ORC3: variants seen among roughly 807,000 people sequenced by gnomAD.
ORC3 encodes the protein origin recognition complex subunit 3.
In ORC3, 78 loss-of-function variants were observed where a neutral mutation model predicts 100.7. The ratio of observed to expected loss-of-function variants is 0.77; its 90% CI spans 0.65 to 0.94. The LOEUF (loss-of-function observed/expected upper bound fraction) is 0.94, where lower values mean the gene tolerates loss of function less well. ORC3 is among the 40% of genes least tolerant of loss of function. ORC3 has a pLI of 0.00. For missense variants in ORC3, 789 were observed against 823.9 expected, an observed-to-expected ratio of 0.96 and a Z score of 0.52; for synonymous variants, 295 against 289.3, an observed-to-expected ratio of 1.02 and a Z score of -0.20.
chr6:87,594,260 T>A, intron 1 of ORC3, 93 bp from the exon 2 acceptor site: 1 of 817,188 alleles, frequency 1.2e-6, no homozygotes, highest in Non-Finnish European at 1.9e-6. Context: ...CATCTTTTTT[T>A]AAAAAAGTGC....
Position 87,665,754 on chromosome 6 carries a change from G to A in ORC3, c.1951G>A (p.Ala651Thr), listed in dbSNP as rs374112561. The part of the protein sequence containing the change: ...RLINLVDWSE[A>T]FATVVTAAEK... ...TTCTTCTGTCTTGTCTATTCAAAAG[G>A]CTTTTGCAACAGTTGTGACAGCTGC... Residue 651 changes from alanine to threonine, a missense_variant and splice_region_variant, in exon 19 of 20, where the codon GCT becomes ACT. Ala to Thr is a moderately conservative substitution (Grantham distance 58). Coordinates refer to ENST00000392844, the MANE Select transcript of ORC3 (RefSeq NM_012381.4). The A allele has an allele frequency of 6.2e-7, 1 of 1,603,206 alleles. No individual in the cohort carries two copies. Among genetic ancestry groups the A allele is most frequent in the Admixed American group, 1.7e-5 (1 of 59,872 alleles).
chr6:87,651,600 G>A (rs1769273060), intron 13 of ORC3, among the ~76,000 whole-genome samples: 1 of 152,088 alleles, frequency 6.6e-6, no homozygotes, highest in Non-Finnish European at 1.5e-5. Flanking sequence ...GGAAGATAAA[G>A]TTTTATACTT....
intron 13 of ORC3, among the ~76,000 whole-genome samples, chr6:87,649,695 G>A (rs1769093518): frequency 6.6e-6 from 1 of 152,154 alleles, no homozygotes; most frequent in African/African-American, 2.4e-5. Flanking sequence ...GCGGTGAGCT[G>A]AGATTGCACC....
intron 9 of ORC3, among the ~76,000 whole-genome samples, chr6:87,619,879 T>A (rs1428514085): frequency 2.0e-5 from 3 of 151,494 alleles, no homozygotes; most frequent in Non-Finnish European, 4.4e-5. Context: ...GATTTCTACT[T>A]GAGACAGAGT....
chr6:87,614,469 A>G (rs1779013090), intron 8 of ORC3, among the ~76,000 whole-genome samples: 1 of 152,170 alleles, frequency 6.6e-6, no homozygotes, highest in Non-Finnish European at 1.5e-5. Flanking sequence ...TACTTACGGA[A>G]ATTTCTGCAG....
chr6:87,631,743 C>T (rs1201912550), intron 11 of ORC3, among the ~76,000 whole-genome samples: 1 of 151,690 alleles, frequency 6.6e-6, no homozygotes, highest in Non-Finnish European at 1.5e-5. Context: ...CCACCCGCCT[C>T]GGCCTCCCAA....
the ORC3 span, among the ~76,000 whole-genome samples, chr6:87,674,633 T>C: frequency 6.8e-6 from 1 of 146,268 alleles, no homozygotes; most frequent in African/African-American, 2.6e-5. Context: ...TTTATATATA[T>C]ATATATATAT....
intron 13 of ORC3, 33 bp from the exon 14 acceptor site, chr6:87,653,083 A>AT (rs1454287394): frequency 6.6e-7 from 1 of 1,525,656 alleles, no homozygotes; most frequent in Non-Finnish European, 8.9e-7. Context: ...TTTTCTAGTT[A>AT]TATTACATTT....
At chr6:87,610,989 C>T (rs1439328482) in intron 7 of ORC3, among the ~76,000 whole-genome samples, 5 of 134,358 alleles carry the variant, frequency 3.7e-5, no homozygotes, top group Non-Finnish European at 4.6e-5. Flanking sequence ...CAGGCTAGAG[C>T]GCAGTGACAT....
At chr6:87,675,249 T>C in the ORC3 span, 2 of 295,412 alleles carry the variant, frequency 6.8e-6, no homozygotes, top group Non-Finnish European at 1.3e-5. Context: ...ACTAACTTCA[T>C]CTGAAGTGTC....
intron 9 of ORC3, among the ~76,000 whole-genome samples, chr6:87,616,714 A>G (rs569744018): frequency 2.0e-5 from 3 of 152,176 alleles, no homozygotes; most frequent in Admixed American, 1.3e-4. Context: ...CGAGACTCTC[A>G]TGAGAGCTTA....
intron 17 of ORC3, 22 bp from the exon 18 acceptor site, chr6:87,664,721 T>C (rs1174641830): frequency 6.3e-7 from 1 of 1,575,788 alleles, no homozygotes; most frequent in Non-Finnish European, 8.7e-7. Flanking sequence ...GTTAGTCATC[T>C]TAGTTTACTG....
At chr6:87,645,614 A>G (rs1371519428) in intron 13 of ORC3, among the ~76,000 whole-genome samples, 3 of 152,042 alleles carry the variant, frequency 2.0e-5, no homozygotes, top group African/African-American at 7.3e-5. Context: ...GGTAATGGTA[A>G]TGTTTGTTTA....
At position 87,665,781 on chromosome 6, in the gene ORC3, GA is replaced by G; in HGVS notation, c.1984del (p.Met662TrpfsTer11). ...TTTTGCAACAGTTGTGACAGCTGCT[GA>G]AAAAATGGATGCAAATTCTGCAACC... Reference protein sequence around the residue: ...EAFATVVTAAEKMDANSATSE... With the variant: ...EAFATVVTAAXKMDANSATSE... On this transcript the variant is annotated frameshift_variant, in exon 19 of 20. Transcript: ENST00000392844. LOFTEE classifies it high-confidence loss of function. The G allele has an allele frequency of 6.2e-7, 1 of 1,612,288 alleles. No individual in the cohort carries two copies. Among genetic ancestry groups the G allele is most frequent in the Non-Finnish European group, 8.5e-7 (1 of 1,178,728 alleles).
At chr6:87,641,091 C>G (rs1768214790) in intron 13 of ORC3, among the ~76,000 whole-genome samples, 1 of 150,664 alleles carries the variant, frequency 6.6e-6, no homozygotes, top group Non-Finnish European at 1.5e-5. Flanking sequence ...CCTGGGCAAC[C>G]AAGTGAGACT....
chr6:87,605,778 A>G, intron 4 of ORC3, 139 bp from the exon 5 acceptor site: 1 of 554,486 alleles, frequency 1.8e-6, no homozygotes, highest in Non-Finnish European at 3.2e-6. Context: ...GATATCATTT[A>G]TATAGTATAT....
At chr6:87,676,922 A>C in the ORC3 span, among the ~76,000 whole-genome samples, 1 of 151,712 alleles carries the variant, frequency 6.6e-6, no homozygotes, top group South Asian at 2.1e-4. Flanking sequence ...TAAAAATACA[A>C]GAAAATTAGC....
chr6:87,640,248 AC>A (rs1489225183), intron 13 of ORC3, among the ~76,000 whole-genome samples: 1 of 152,210 alleles, frequency 6.6e-6, no homozygotes, highest in Non-Finnish European at 1.5e-5. Context: ...ATATCTGGTG[AC>A]CATTTAAAAC....
At chr6:87,613,495 C>T (rs1008039312) in intron 8 of ORC3, among the ~76,000 whole-genome samples, 1 of 152,182 alleles carries the variant, frequency 6.6e-6, no homozygotes, top group African/African-American at 2.4e-5. Context: ...CATGCCTTCC[C>T]AACAGTCCCC....
Sources: allele counts gnomAD v4.1 joint callset (sites outside exome capture counted in the v4.1 genomes callset), GRCh38; gene constraint gnomAD v4.1.1; transcripts MANE v1.5; gene names NCBI Gene and HGNC (gene_info 2026-07-23, HGNC 2026-07-21).